Variants in PACRG observed in about 807,000 individuals in gnomAD.
PACRG encodes parkin coregulated gene protein.
In PACRG, 29 loss-of-function variants were observed where a neutral mutation model predicts 29.7. That is an observed-to-expected ratio of 0.98 (90% CI 0.73 to 1.33). PACRG has a LOEUF of 1.33. Ranked by LOEUF, PACRG falls within the 40% of genes most tolerant of loss-of-function variation. The pLI, the probability that PACRG is intolerant of heterozygous loss-of-function variation, is 0.00. For missense variants in PACRG, 279 were observed against 316.2 expected (o/e 0.88, Z 0.89); for synonymous variants, 116 against 118.7 (o/e 0.98, Z 0.15).
At chr6:162,745,809 T>G (rs1244487570) in intron 1 of PACRG, among the ~76,000 whole-genome samples, 1 of 152,142 alleles carries the variant, frequency 6.6e-6, no homozygotes, top group Non-Finnish European at 1.5e-5. Flanking sequence ...AGGGAGAGAT[T>G]TATTTTTAAG....
intron 2 of PACRG, among the ~76,000 whole-genome samples, chr6:163,012,127 C>T (rs1489048818): frequency 2.6e-5 from 4 of 152,216 alleles, no homozygotes; most frequent in Admixed American, 6.5e-5. Flanking sequence ...CAAGTTCTTA[C>T]ACTTCTTGAT....
chr6:163,126,819 C>T (rs1189965784), intron 4 of PACRG, among the ~76,000 whole-genome samples: 1 of 152,196 alleles, frequency 6.6e-6, no homozygotes, highest in African/African-American at 2.4e-5. Context: ...CCATGGTGTT[C>T]ACATTTCTTC....
intron 4 of PACRG, among the ~76,000 whole-genome samples, chr6:163,243,062 A>C (rs1326710690): frequency 6.6e-6 from 1 of 152,262 alleles, no homozygotes; most frequent in Non-Finnish European, 1.5e-5. Flanking sequence ...TGAACAAATA[A>C]ATTAACCTGG....
chr6:162,995,284 C>T (rs6917346), intron 2 of PACRG, among the ~76,000 whole-genome samples: 62,075 of 147,204 alleles, frequency 0.42, 13,484 homozygotes, highest in East Asian at 0.71. Context: ...TCGAGCTTCC[C>T]GGCTGCTTTG....
At chr6:162,917,194 A>G (rs977502730) in intron 2 of PACRG, among the ~76,000 whole-genome samples, 3 of 152,162 alleles carry the variant, frequency 2.0e-5, no homozygotes, top group African/African-American at 7.2e-5. Context: ...ATTCAGGCCA[A>G]TAATGTCTCC....
At chr6:162,778,814 C>T (rs975629638) in intron 1 of PACRG, among the ~76,000 whole-genome samples, 11 of 152,222 alleles carry the variant, frequency 7.2e-5, no homozygotes, top group East Asian at 1.9e-4. Flanking sequence ...GCCTGTGTGG[C>T]GCTCAGAGCG....
chr6:162,952,919 A>G (rs1007084500), intron 2 of PACRG, among the ~76,000 whole-genome samples: 1 of 152,104 alleles, frequency 6.6e-6, no homozygotes, highest in Non-Finnish European at 1.5e-5. Flanking sequence ...AAATATGTGA[A>G]TTTTTCTTGC....
At chr6:163,257,246 G>A (rs1414998614) in intron 4 of PACRG, among the ~76,000 whole-genome samples, 1 of 152,064 alleles carries the variant, frequency 6.6e-6, no homozygotes, top group Non-Finnish European at 1.5e-5. Context: ...TACATGTTGA[G>A]TTGAGAAGGT....
intron 1 of PACRG, among the ~76,000 whole-genome samples, chr6:162,748,004 T>C (rs977099699): frequency 2.6e-5 from 4 of 152,194 alleles, no homozygotes; most frequent in Non-Finnish European, 4.4e-5. Context: ...TTAGCACTTT[T>C]CATAACAATT....
At chr6:163,107,029 AT>A (rs1170114349) in intron 4 of PACRG, among the ~76,000 whole-genome samples, 1 of 152,180 alleles carries the variant, frequency 6.6e-6, no homozygotes, top group Non-Finnish European at 1.5e-5. Flanking sequence ...TTCTGTCTAA[AT>A]TAGGGCATGG....
At chr6:162,923,665 T>C (rs1408882060) in intron 2 of PACRG, among the ~76,000 whole-genome samples, 2 of 152,154 alleles carry the variant, frequency 1.3e-5, no homozygotes, top group African/African-American at 2.4e-5. Context: ...TAGTTGATTG[T>C]AAATACATGG....
intron 2 of PACRG, among the ~76,000 whole-genome samples, chr6:162,816,573 C>G (rs1303396442): frequency 6.6e-6 from 1 of 152,050 alleles, no homozygotes; most frequent in Non-Finnish European, 1.5e-5. Flanking sequence ...AGGATGGTCT[C>G]GATCTCCTGA....
At chr6:162,979,972 CAG>C (rs1447905678) in intron 2 of PACRG, among the ~76,000 whole-genome samples, 1 of 151,832 alleles carries the variant, frequency 6.6e-6, no homozygotes, top group East Asian at 1.9e-4. Context: ...TAGAAATTAA[CAG>C]AAATGAATAC....
chr6:163,218,561 G>T (rs148057695), intron 4 of PACRG, among the ~76,000 whole-genome samples: 2 of 152,196 alleles, frequency 1.3e-5, no homozygotes, highest in East Asian at 3.9e-4. Flanking sequence ...CCATTGAAAT[G>T]CCTCATGTCA....
At chr6:162,949,872 G>C (rs1471234764) in intron 2 of PACRG, among the ~76,000 whole-genome samples, 1 of 152,068 alleles carries the variant, frequency 6.6e-6, no homozygotes, top group East Asian at 1.9e-4. Context: ...TAGATTTTTA[G>C]CCTTTTAACA....
intron 4 of PACRG, among the ~76,000 whole-genome samples, chr6:163,123,659 G>T (rs2128326047): frequency 6.6e-6 from 1 of 152,258 alleles, no homozygotes; most frequent in South Asian, 2.1e-4. Context: ...CTCTGCATAT[G>T]CCCCCTCTCC....
At chr6:163,279,739 AT>A (rs372892090) in intron 4 of PACRG, among the ~76,000 whole-genome samples, 3 of 151,884 alleles carry the variant, frequency 2.0e-5, no homozygotes, top group Admixed American at 6.6e-5. Context: ...TCTTTCCTGT[AT>A]TTTTTTCTTA....
chr6:162,885,347 G>T (rs1447835294), intron 2 of PACRG, among the ~76,000 whole-genome samples: 1 of 151,076 alleles, frequency 6.6e-6, no homozygotes, highest in Non-Finnish European at 1.5e-5. Context: ...TTAGCTCACT[G>T]CAAACTCTGC....
chr6:163,061,239 T>C (rs1585120887), intron 2 of PACRG, among the ~76,000 whole-genome samples: 1 of 152,294 alleles, frequency 6.6e-6, no homozygotes, highest in East Asian at 1.9e-4. Flanking sequence ...CTCATTTCCA[T>C]GTACACTCTC....
Sources: allele counts gnomAD v4.1 joint callset (sites outside exome capture counted in the v4.1 genomes callset), GRCh38; gene constraint gnomAD v4.1.1; transcripts MANE v1.5; gene names NCBI Gene and HGNC (gene_info 2026-07-23, HGNC 2026-07-21).